Variants in DHX33 observed in about 807,000 individuals in gnomAD.
The protein encoded by DHX33 is DEAH-box helicase 33.
Under a neutral mutation model 72.5 loss-of-function variants are expected in DHX33, and 42 were observed. The observed-to-expected ratio is 0.58, with a 90% CI of 0.45 to 0.75. The LOEUF is 0.75. DHX33 is among the 30% of genes least tolerant of loss of function. The pLI is 0.00. For missense variants in DHX33, 842 were observed against 917.5 expected (o/e 0.92, Z 1.06); for synonymous variants, 358 against 366.1 (o/e 0.98, Z 0.25).
Position 5,460,933 on chromosome 17 carries a change from C to T in DHX33, c.849+6G>A. 1.9e-6 allele frequency: 3 copies of T among 1,609,042 alleles called. No homozygotes were observed. The highest frequency in any genetic ancestry group is 2.6e-6 in the Non-Finnish European group (3 of 1,176,314). On this transcript the variant is annotated splice_donor_region_variant and intron_variant, in intron 4 of 11. Coordinates refer to ENST00000225296, the MANE Select transcript of DHX33 (RefSeq NM_020162.4). ...ACTTTTCAGGAATTTGCCCCCAGCA[C>T]CATACCTGGTGGATCTGGAAGACGG...
intron 7 of DHX33, 72 bp from the exon 8 acceptor site, chr17:5,453,740 T>C: frequency 6.2e-7 from 1 of 1,611,644 alleles, no homozygotes; most frequent in Non-Finnish European, 8.5e-7. Context: ...CATGGTGGAG[T>C]GTGAGTAAAA....
chr17:5,457,796 T>C (rs1029146378), intron 4 of DHX33, among the ~76,000 whole-genome samples: 1 of 152,104 alleles, frequency 6.6e-6, no homozygotes, highest in African/African-American at 2.4e-5. Flanking sequence ...CAAAACCTCA[T>C]GAGTGGGAGA....
intron 11 of DHX33, among the ~76,000 whole-genome samples, chr17:5,446,592 C>G (rs138690158): frequency 1.3e-5 from 2 of 152,300 alleles, no homozygotes; most frequent in African/African-American, 4.8e-5. Flanking sequence ...GTACTCAGAA[C>G]AGTGCTGAAC....
rs139368298 is a variant in DHX33 at position 5,451,713 on chromosome 17, T to C, written c.1397-779A>G. Among the ~76,000 whole-genome samples the C allele has an allele frequency of 8.5e-5, 13 of 152,288 alleles. No individual in the cohort carries two copies. In the East Asian group the frequency reaches 2.5e-3, roughly 29 times the overall value. ...CTATTAAAGAATAAAAAAGCATTTC[T>C]AAGGATGTAGTAAATATATACATCC... On this transcript the variant is annotated intron_variant, in intron 8 of 11. Transcript: ENST00000225296.
chr17:5,455,264 C>A lies in DHX33; in HGVS notation c.1043G>T (p.Arg348Leu). 1 of 1,613,940 alleles carries A rather than the reference C, an allele frequency of 6.2e-7. No homozygotes were observed. The highest frequency in any genetic ancestry group is 8.5e-7 in the Non-Finnish European group (1 of 1,179,894). ...GATGTTGGTTGAAATGATCACTTTG[C>A]GATAGCCCTAAAAGGAGGAAGAAAA... ...RVFQGAPKGY[R>L]KVIISTNIAE... is the part of the protein sequence containing the mutation. Residue 348 changes from arginine (R) to leucine (L), a missense_variant, in exon 6 of 12, where the codon CGC becomes CTC. Arg to Leu is a moderately radical substitution (Grantham distance 102). Transcript: ENST00000225296.
intron 8 of DHX33, among the ~76,000 whole-genome samples, chr17:5,452,433 G>A (rs918015321): frequency 1.3e-5 from 2 of 152,160 alleles, no homozygotes; most frequent in African/African-American, 2.4e-5. Flanking sequence ...CTAGCTACTC[G>A]GGAGGCTGAG....
rs1196540080 is a variant in DHX33 at position 5,468,677 on chromosome 17, A to G, written c.183T>C (p.Ser61=). The G allele has an allele frequency of 3.1e-6, 5 of 1,612,278 alleles. No homozygotes were observed. ...QQPPLAQPSA[S]PYPEAVELQR... ...GCAGCTCCACAGCTTCAGGGTAGGGACTGGCCGAGGGCTGGGCCAGGGGCG... is the reference window on the plus strand; with the variant it reads ...GCAGCTCCACAGCTTCAGGGTAGGGGCTGGCCGAGGGCTGGGCCAGGGGCG... Residue 61 remains serine (S), a synonymous_variant, in exon 1 of 12, where the codon AGT becomes AGC. Coordinates refer to ENST00000225296, the MANE Select transcript of DHX33 (RefSeq NM_020162.4).
intron 1 of DHX33, among the ~76,000 whole-genome samples, chr17:5,465,015 G>C (rs188612719): frequency 6.6e-6 from 1 of 152,194 alleles, no homozygotes; most frequent in Non-Finnish European, 1.5e-5. Flanking sequence ...AAATGTGTCC[G>C]TCCTCCTCCA....
In DHX33 at chr17:5,455,170, C is replaced by T; in HGVS notation, c.1137G>A (p.Lys379=). The T allele has an allele frequency of 1.2e-6, 2 of 1,613,444 alleles. No homozygotes were observed. The highest frequency in any genetic ancestry group is 1.7e-6 in the Non-Finnish European group (2 of 1,179,370). ...ACTACAAATTCTCACCAGGGTTATACTTCTTTGCTTTAACCATGCCCGTGT... is the reference window on the plus strand; with the variant it reads ...ACTACAAATTCTCACCAGGGTTATATTTCTTTGCTTTAACCATGCCCGTGT... ...VVDTGMVKAK[K]YNPDSGLEVL... Residue 379 remains lysine, a synonymous_variant, in exon 6 of 12, where the codon AAG becomes AAA. Coordinates refer to ENST00000225296, the MANE Select transcript of DHX33 (RefSeq NM_020162.4).
Position 5,443,830 on chromosome 17 carries a change from TCG to T in DHX33, c.*373_*374del, listed in dbSNP as rs1567595183. On this transcript the variant is annotated 3_prime_UTR_variant, in exon 12 of 12. Transcript: ENST00000225296. ...CGGCTCCCAACTCACTGTACGTGTG[TCG>T]TGCGTGCTCCAGGCATAGTTCTGGG... is the stretch of plus-strand genomic sequence containing the variant. 5.0e-6 allele frequency: 1 copy of T among 199,628 alleles called. No homozygotes were observed. Among genetic ancestry groups the T allele is most frequent in the East Asian group, 1.3e-4 (1 of 7,822 alleles). 12.4% of individuals were successfully genotyped at this position (199,628 alleles called of 1,614,324 possible).
chr17:5,444,290 C>T lies in DHX33; in HGVS notation c.2039G>A (p.Arg680Gln), dbSNP rs573048573. ...ELLYTNKCYMRDLCVIDAQWL... is the reference protein window; with the variant it reads ...ELLYTNKCYMQDLCVIDAQWL... ...CTGTGCATCTATGACGCAGAGGTCC[C>T]GCATGTAGCACTTGTTGGTGTAGAG... is the stretch of plus-strand genomic sequence containing the variant. The change falls in exon 12 of 12, where the codon CGG becomes CAG. Residue 680 changes from arginine to glutamine, a missense_variant. Coordinates refer to ENST00000225296, the MANE Select transcript of DHX33 (RefSeq NM_020162.4). The surrounding 1 kb of genome is among the most constrained non-coding windows in gnomAD (Gnocchi z 4.9). 1.9e-5 allele frequency: 30 copies of T among 1,614,238 alleles called. No homozygotes were observed. The highest frequency in any genetic ancestry group is 9.3e-5 in the African/African-American group (7 of 75,062).
In DHX33 at chr17:5,444,387, G is replaced by A. The variant is rs1916555665; in HGVS notation, c.1942C>T (p.Gln648Ter). Residue 648 changes from glutamine to a stop codon, truncating the protein, a stop_gained, in exon 12 of 12, where the codon CAG becomes TAG. Coordinates refer to ENST00000225296, the MANE Select transcript of DHX33 (RefSeq NM_020162.4). LOFTEE classifies it high-confidence loss of function. The surrounding 1 kb of genome is among the most constrained non-coding windows in gnomAD (Gnocchi z 4.9). ...DGTYATTDTH[Q>*]PVAIHPSSVL... ...GACGACGGGTGGATGGCCACTGGCT[G>A]GTGGGTGTCCGTGGTGGCATAGGTG... 1 of 1,614,140 alleles carries A rather than the reference G, an allele frequency of 6.2e-7. No individual in the cohort carries two copies. Among genetic ancestry groups the A allele is most frequent in the Non-Finnish European group, 8.5e-7 (1 of 1,180,060 alleles).
In DHX33 at chr17:5,450,938, A is replaced by C; in HGVS notation, c.1397-4T>G. ...GCAATGGCCGCCTGAATGTGATCTA[A>C]AGAAACAGAGACATAAAAAGGAGCC... is the stretch of plus-strand genomic sequence containing the variant. On this transcript the variant is annotated splice_polypyrimidine_tract_variant and splice_region_variant and intron_variant, in intron 8 of 11. Coordinates refer to ENST00000225296, the MANE Select transcript of DHX33 (RefSeq NM_020162.4). 6.2e-7 allele frequency: 1 copy of C among 1,612,982 alleles called. No individual in the cohort carries two copies. The highest frequency in any genetic ancestry group is 1.3e-5 in the African/African-American group (1 of 74,966).
Position 5,442,062 on chromosome 17 carries a change from G to A in DHX33, c.*2143C>T, listed in dbSNP as rs1017219948. ...GGCGTGTGCCACCATGCCCAGCTAA[G>A]TTTTCTATTTTTAGTAGAGACGGGG... is the stretch of plus-strand genomic sequence containing the variant. On this transcript the variant is annotated 3_prime_UTR_variant, in exon 12 of 12. Transcript: ENST00000225296. 3 of 151,846 alleles carry A rather than the reference G, an allele frequency of 2.0e-5. No individual in the cohort carries two copies. Among genetic ancestry groups the A allele is most frequent in the African/African-American group, 7.3e-5 (3 of 41,294 alleles). The allele number at this position is 151,846 out of a possible 1,614,324, so 9.4% of individuals were successfully genotyped here.
intron 1 of DHX33, among the ~76,000 whole-genome samples, chr17:5,467,242 C>G (rs1177351556): frequency 6.6e-6 from 1 of 152,140 alleles, no homozygotes; most frequent in Non-Finnish European, 1.5e-5. Flanking sequence ...TAATCTTTTT[C>G]AAAGATTTTT....
intron 9 of DHX33, 52 bp downstream of exon 9, chr17:5,450,755 G>T: frequency 6.2e-7 from 1 of 1,611,828 alleles, no homozygotes; most frequent in South Asian, 1.1e-5. Flanking sequence ...ACTACTTTGG[G>T]ACGGTTAACT....
At chr17:5,450,438 C>T in intron 9 of DHX33, 32 bp from the exon 10 acceptor site, 1 of 1,604,326 alleles carries the variant, frequency 6.2e-7, no homozygotes, top group Non-Finnish European at 8.5e-7. Flanking sequence ...TGTGTAAACC[C>T]AGCTTTCTCC....
In DHX33 at chr17:5,444,571, C is replaced by T. The variant is rs1916571163; in HGVS notation, c.1816-58G>A. On this transcript the variant is annotated intron_variant, in intron 11 of 11. Transcript: ENST00000225296. The surrounding 1 kb of genome is among the most constrained non-coding windows in gnomAD (Gnocchi z 4.9). ...CCCCACACGTAAACACTGGTCAGCA[C>T]TACACAGCGTGTTGGGGCAACTGGA... The T allele has an allele frequency of 1.2e-5, 18 of 1,550,476 alleles. No homozygotes were observed. The highest frequency in any genetic ancestry group is 1.8e-5 in the Admixed American group (1 of 56,492).
chr17:5,468,110 C>T (rs1421558590), intron 1 of DHX33, among the ~76,000 whole-genome samples: 5 of 152,134 alleles, frequency 3.3e-5, no homozygotes, highest in Non-Finnish European at 4.4e-5. Flanking sequence ...ATCATAAGCC[C>T]CATGAAATCA....
Sources: allele counts gnomAD v4.1 joint callset (sites outside exome capture counted in the v4.1 genomes callset), GRCh38; gene constraint gnomAD v4.1.1; non-coding constraint Gnocchi (gnomAD v3.1); transcripts MANE v1.5; gene names NCBI Gene and HGNC (gene_info 2026-07-23, HGNC 2026-07-21).